The following RAB6A variants were observed in gnomAD, a reference collection of about 807,000 sequenced individuals.
RAB6A encodes ras-related protein Rab-6A.
In RAB6A, 8 loss-of-function variants were observed where a neutral mutation model predicts 32.3. That is an observed-to-expected ratio of 0.25 (90% CI 0.15 to 0.45). RAB6A has a LOEUF of 0.45. Ranked by LOEUF, RAB6A falls within the 20% of genes least tolerant of loss-of-function variation. The pLI, the probability that RAB6A is intolerant of heterozygous loss-of-function variation, is 1.00. For missense variants in RAB6A, 104 were observed against 249.4 expected (o/e 0.42, Z 3.93); for synonymous variants, 73 against 82.1 (o/e 0.89, Z 0.60).
At chr11:73,757,104 T>TATATATATATATATATATAC (rs1946763924) in intron 1 of RAB6A, among the ~76,000 whole-genome samples, 1 of 35,700 alleles carries the variant, frequency 2.8e-5, no homozygotes, top group African/African-American at 1.3e-4. Flanking sequence ...CATACATATA[T>TATATATATATATATATATAC]ATATATATAT....
In RAB6A at chr11:73,676,689, C is replaced by G. The variant is rs1945273873; in HGVS notation, c.*1209G>C. 6.0e-6 allele frequency: 1 copy of G among 167,082 alleles called. No individual in the cohort carries two copies. Among genetic ancestry groups the G allele is most frequent in the Admixed American group, 6.5e-5 (1 of 15,286 alleles). 10.3% of individuals were successfully genotyped at this position (167,082 alleles called of 1,614,324 possible). A position where few individuals can be genotyped will look rare whatever the true frequency, so the allele number is the denominator to read the frequency against. Reference sequence around the variant, plus strand: ...TTTATTTCCATTCTCTCCTTTCCCTCTACTATGTATGCTTTACCTGATCTG... The same window carrying G: ...TTTATTTCCATTCTCTCCTTTCCCTGTACTATGTATGCTTTACCTGATCTG... On this transcript the variant is annotated 3_prime_UTR_variant, in exon 8 of 8. Transcript: ENST00000336083.
At chr11:73,682,518 C>A (rs1029992774) in intron 6 of RAB6A, among the ~76,000 whole-genome samples, 1 of 152,122 alleles carries the variant, frequency 6.6e-6, no homozygotes, top group African/African-American at 2.4e-5. Flanking sequence ...ACAAAATTAG[C>A]TGGGCATGAT....
At chr11:73,699,796 A>G (rs1451709346) in intron 6 of RAB6A, among the ~76,000 whole-genome samples, 1 of 152,216 alleles carries the variant, frequency 6.6e-6, no homozygotes, top group South Asian at 2.1e-4. Flanking sequence ...ATTTAGGTAC[A>G]TGACAAAAGC....
intron 6 of RAB6A, among the ~76,000 whole-genome samples, chr11:73,692,319 A>G (rs1222497972): frequency 2.7e-5 from 4 of 150,810 alleles, no homozygotes; most frequent in Non-Finnish European, 4.4e-5. Context: ...CCTGGCTAAC[A>G]GTGAAACCCC....
At chr11:73,680,150 C>G (rs956242590) in intron 6 of RAB6A, among the ~76,000 whole-genome samples, 2 of 151,776 alleles carry the variant, frequency 1.3e-5, no homozygotes, top group African/African-American at 4.8e-5. Flanking sequence ...ATTCTATAAA[C>G]GAGTATTATA....
chr11:73,728,647 A>AATAAT (rs1334007109), intron 2 of RAB6A, among the ~76,000 whole-genome samples: 1 of 148,266 alleles, frequency 6.7e-6, no homozygotes, highest in African/African-American at 2.5e-5. Context: ...TAATAATAAT[A>AATAAT]AATGAAATAA....
intron 6 of RAB6A, among the ~76,000 whole-genome samples, chr11:73,692,979 CA>C (rs775366989): frequency 7.6e-6 from 1 of 132,092 alleles, no homozygotes; most frequent in Non-Finnish European, 1.7e-5. Flanking sequence ...CAAAACAAAA[CA>C]AAAAAACAAA....
chr11:73,717,110 T>A (rs1294298511), intron 4 of RAB6A, among the ~76,000 whole-genome samples: 1 of 152,166 alleles, frequency 6.6e-6, no homozygotes, highest in Non-Finnish European at 1.5e-5. Flanking sequence ...CTCTTTTTTT[T>A]AAACAAACAG....
At chr11:73,717,946 A>G (rs1288371835) in intron 4 of RAB6A, among the ~76,000 whole-genome samples, 3 of 152,234 alleles carry the variant, frequency 2.0e-5, no homozygotes, top group African/African-American at 4.8e-5. Flanking sequence ...AAAATTTACA[A>G]TCACTTAAAA....
chr11:73,739,932 A>G (rs1946467789), intron 1 of RAB6A, among the ~76,000 whole-genome samples: 1 of 151,874 alleles, frequency 6.6e-6, no homozygotes, highest in Non-Finnish European at 1.5e-5. Flanking sequence ...GGTGGCACAC[A>G]CCTGTAGTCC....
chr11:73,720,928 A>G, intron 2 of RAB6A, 29 bp from the exon 3 acceptor site: 1 of 1,538,190 alleles, frequency 6.5e-7, no homozygotes, highest in Non-Finnish European at 9.0e-7. Flanking sequence ...AAGTTAACAA[A>G]TAATAAGTTT....
chr11:73,741,491 A>G (rs34889588), intron 1 of RAB6A, among the ~76,000 whole-genome samples: 1 of 152,124 alleles, frequency 6.6e-6, no homozygotes, highest in East Asian at 1.9e-4. Context: ...GTATTTACCC[A>G]AAAGAGCTGA....
At chr11:73,722,305 G>GTGTGTATATATATATA (rs1238666420) in intron 2 of RAB6A, 4 of 42,356 alleles carry the variant, frequency 9.4e-5, no homozygotes, top group Non-Finnish European at 1.3e-4. Flanking sequence ...ATGTGTGTGT[G>GTGTGTATATATATATA]TATATATATA....
chr11:73,729,184 C>T (rs572197752), intron 2 of RAB6A, among the ~76,000 whole-genome samples: 30 of 152,202 alleles, frequency 2.0e-4, no homozygotes, highest in Non-Finnish European at 3.2e-4. Flanking sequence ...TTGCAACCTC[C>T]GCCTCCTGGG....
intron 6 of RAB6A, among the ~76,000 whole-genome samples, chr11:73,696,009 G>T (rs1199216416): frequency 2.0e-5 from 3 of 152,144 alleles, no homozygotes; most frequent in African/African-American, 7.2e-5. Flanking sequence ...ATGACTACCA[G>T]TTCTTACCTT....
chr11:73,712,986 G>C (rs1250200025), intron 5 of RAB6A, among the ~76,000 whole-genome samples: 1 of 151,758 alleles, frequency 6.6e-6, no homozygotes, highest in Admixed American at 6.6e-5. Context: ...CCAAAGTGCT[G>C]GGAGGTGTGA....
chr11:73,734,642 T>C (rs1023502295), intron 1 of RAB6A, among the ~76,000 whole-genome samples: 2 of 152,122 alleles, frequency 1.3e-5, no homozygotes, highest in Non-Finnish European at 2.9e-5. Flanking sequence ...GCATGCAACC[T>C]AGATCCCTCA....
chr11:73,689,124 G>GA (rs111664897), intron 6 of RAB6A, among the ~76,000 whole-genome samples: 105 of 144,712 alleles, frequency 7.3e-4, no homozygotes, highest in South Asian at 1.8e-3. Flanking sequence ...CCTGTCTCAA[G>GA]AAAAAAAAAA....
At chr11:73,714,355 C>T (rs1471360875) in intron 5 of RAB6A, among the ~76,000 whole-genome samples, 1 of 151,690 alleles carries the variant, frequency 6.6e-6, no homozygotes, top group Admixed American at 6.6e-5. Flanking sequence ...TTCAGATATA[C>T]AATTTTTCTA....
Sources: allele counts gnomAD v4.1 joint callset (sites outside exome capture counted in the v4.1 genomes callset), GRCh38; gene constraint gnomAD v4.1.1; transcripts MANE v1.5; gene names NCBI Gene and HGNC (gene_info 2026-07-23, HGNC 2026-07-21).